EYS: variants seen among roughly 807,000 people sequenced by gnomAD.
The protein encoded by EYS is EGF-like photoreceptor maintenance factor, also known as protein eyes shut homolog.
In EYS, 250 loss-of-function variants were observed where a neutral mutation model predicts 282.1. That is an observed-to-expected ratio of 0.89 (90% CI 0.80 to 0.98). The LOEUF is 0.98. EYS is among the 50% of genes least tolerant of loss of function. The pLI is 0.00. For missense variants in EYS, 4,016 were observed against 3,709.0 expected (o/e 1.08, Z -2.15); for synonymous variants, 1,355 against 1,282.9 (o/e 1.06, Z -1.20).
At chr6:65,435,697 C>A (rs1026726499) in intron 5 of EYS, among the ~76,000 whole-genome samples, 5 of 152,180 alleles carry the variant, frequency 3.3e-5, no homozygotes, top group South Asian at 2.1e-4. Flanking sequence ...GTGTCCTTGT[C>A]AAAATTCATT....
At chr6:64,719,135 AC>A (rs1199696605) in intron 22 of EYS, among the ~76,000 whole-genome samples, 2 of 152,172 alleles carry the variant, frequency 1.3e-5, no homozygotes, top group African/African-American at 4.8e-5. Context: ...AGGAGTCTTT[AC>A]GGACAGGCTC....
chr6:64,626,589 A>G (rs1767617533), intron 22 of EYS, among the ~76,000 whole-genome samples: 1 of 152,184 alleles, frequency 6.6e-6, no homozygotes, highest in Admixed American at 6.6e-5. Flanking sequence ...GGAGAAGGCC[A>G]CGTGAACATG....
intron 37 of EYS, among the ~76,000 whole-genome samples, chr6:63,798,987 GTATATATATATATATATATA>G (rs56290982): frequency 3.5e-5 from 3 of 85,792 alleles, no homozygotes; most frequent in Non-Finnish European, 6.2e-5. Context: ...GTATATGTGT[GTATATATATATATATATATA>G]TATATATATA....
At chr6:63,968,413 T>A (rs1331397769) in intron 35 of EYS, among the ~76,000 whole-genome samples, 2 of 152,118 alleles carry the variant, frequency 1.3e-5, no homozygotes, top group East Asian at 3.8e-4. Flanking sequence ...GCAAGATGCA[T>A]CTAATTGGGG....
In EYS at chr6:64,033,828, C is replaced by CTATA. The variant is rs1491226014; in HGVS notation, c.6725+32509_6725+32510insTATA. ...AGTAATTCTGACACAAATGAGATTA[C>CTATA]TCTCTCTCTCTCTCTCTCTATATAT... On this transcript the variant is annotated intron_variant, in intron 33 of 42. Coordinates refer to ENST00000503581, the MANE Select transcript of EYS (RefSeq NM_001142800.2). Among the ~76,000 whole-genome samples the CTATA allele has an allele frequency of 1.9e-3, 115 of 59,212 alleles. 1 individual carries two copies. The East Asian group carries it at 0.027, about 14-fold the overall frequency. 38.8% of individuals were successfully genotyped at this position (59,212 alleles called of 152,430 possible).
At chr6:64,446,394 GA>G (rs1380617590) in intron 26 of EYS, among the ~76,000 whole-genome samples, 4 of 151,834 alleles carry the variant, frequency 2.6e-5, no homozygotes, top group Non-Finnish European at 5.9e-5. Flanking sequence ...ATGAATAATA[GA>G]AACTCTGAAG....
At chr6:65,021,255 T>C (rs2150138573) in intron 13 of EYS, among the ~76,000 whole-genome samples, 1 of 152,356 alleles carries the variant, frequency 6.6e-6, no homozygotes, top group South Asian at 2.1e-4. Context: ...TTTTGGATGC[T>C]TTGCTGCTTA....
intron 31 of EYS, among the ~76,000 whole-genome samples, chr6:64,112,735 T>C (rs1442959360): frequency 1.3e-5 from 2 of 149,146 alleles, no homozygotes; most frequent in African/African-American, 4.9e-5. Context: ...TAATTTTTAT[T>C]ATATATATCT....
intron 12 of EYS, among the ~76,000 whole-genome samples, chr6:65,197,117 G>A (rs1351796995): frequency 6.6e-6 from 1 of 152,046 alleles, no homozygotes; most frequent in East Asian, 1.9e-4. Context: ...CACTGTTAGA[G>A]GTACATGAGA....
chr6:65,148,735 C>G (rs1195337314), intron 12 of EYS, among the ~76,000 whole-genome samples: 1 of 152,054 alleles, frequency 6.6e-6, no homozygotes, highest in Non-Finnish European at 1.5e-5. Context: ...CATGAGGTCT[C>G]CACCCCTGCA....
intron 28 of EYS, among the ~76,000 whole-genome samples, chr6:64,420,469 C>T (rs1412340889): frequency 1.3e-5 from 2 of 151,306 alleles, no homozygotes; most frequent in Non-Finnish European, 2.9e-5. Context: ...TGAATTTCTC[C>T]CCAGAAAATG....
At chr6:65,413,835 G>A (rs886098195) in intron 5 of EYS, among the ~76,000 whole-genome samples, 3 of 151,732 alleles carry the variant, frequency 2.0e-5, no homozygotes, top group Non-Finnish European at 2.9e-5. Context: ...CAGTATGGGC[G>A]ACAGAGGGAG....
At chr6:63,920,072 T>A (rs564976093) in intron 35 of EYS, among the ~76,000 whole-genome samples, 3 of 152,342 alleles carry the variant, frequency 2.0e-5, no homozygotes, top group East Asian at 1.9e-4. Flanking sequence ...CTAGTTTGTG[T>A]GTATCTGTGT....
At chr6:63,727,737 A>AAAATATATATATATAT (rs1554164607) in intron 41 of EYS, among the ~76,000 whole-genome samples, 18 of 36,686 alleles carry the variant, frequency 4.9e-4, no homozygotes, top group Non-Finnish European at 5.5e-4. Context: ...AAAAAAAAAA[A>AAAATATATATATATAT]ATATATATAT....
intron 29 of EYS, among the ~76,000 whole-genome samples, chr6:64,352,086 A>G (rs576082952): frequency 2.0e-5 from 3 of 151,652 alleles, no homozygotes; most frequent in African/African-American, 7.2e-5. Context: ...TTTCTTTAAA[A>G]CAACCCAGGA....
rs182110540 is a variant in EYS at position 64,898,622 on chromosome 6, A to G, written c.2846+3491T>C. ...ATAACAAAATTAACTTTAAATGTAA[A>G]TGGGCTAAATGCCCCAGTTAAAAGG... On this transcript the variant is annotated intron_variant, in intron 18 of 42. Transcript: ENST00000503581. 3.6e-3 allele frequency among the ~76,000 whole-genome samples: 552 copies of G among 151,828 alleles called. 3 individuals carry two copies. The highest frequency in any genetic ancestry group is 7.1e-3 in the South Asian group (34 of 4,784).
intron 13 of EYS, among the ~76,000 whole-genome samples, chr6:65,009,605 C>T (rs1771801069): frequency 6.6e-6 from 1 of 152,150 alleles, no homozygotes; most frequent in Admixed American, 6.5e-5. Context: ...TAGCCCCCAT[C>T]TATTAGGCAT....
intron 15 of EYS, among the ~76,000 whole-genome samples, chr6:64,938,961 T>C (rs1432469041): frequency 6.6e-6 from 1 of 151,728 alleles, no homozygotes; most frequent in Non-Finnish European, 1.5e-5. Context: ...TACTGAATTG[T>C]ACACCTAAAA....
intron 41 of EYS, among the ~76,000 whole-genome samples, chr6:63,740,513 A>G (rs527246182): frequency 2.0e-5 from 3 of 152,324 alleles, no homozygotes; most frequent in Non-Finnish European, 2.9e-5. Flanking sequence ...TTTTGTTTTC[A>G]AAACACTTTG....
Sources: allele counts gnomAD v4.1 joint callset (sites outside exome capture counted in the v4.1 genomes callset), GRCh38; gene constraint gnomAD v4.1.1; transcripts MANE v1.5; gene names NCBI Gene and HGNC (gene_info 2026-07-23, HGNC 2026-07-21).